The following SEMA5A variants were observed in gnomAD, a reference collection of about 807,000 sequenced individuals.
SEMA5A encodes the protein semaphorin-5A.
SEMA5A carries 55 observed loss-of-function variants against 135.5 expected under a neutral mutation model. That is an observed-to-expected ratio of 0.41 (90% CI 0.33 to 0.51). SEMA5A has a LOEUF of 0.51. Among genes scored for constraint, SEMA5A ranks in the 20% least tolerant of loss-of-function variants. The pLI is 0.37. For synonymous variants in SEMA5A, 580 were observed against 546.5 expected (o/e 1.06, Z -0.85); for missense variants, 1,290 against 1,419.9 (o/e 0.91, Z 1.47).
chr5:9,453,299 C>T (rs1332331463), intron 1 of SEMA5A, among the ~76,000 whole-genome samples: 2 of 152,202 alleles, frequency 1.3e-5, no homozygotes, highest in Non-Finnish European at 2.9e-5. Flanking sequence ...CTCCTGACAA[C>T]AGGCATTCCC....
intron 1 of SEMA5A, among the ~76,000 whole-genome samples, chr5:9,481,903 G>A (rs535361447): frequency 3.0e-4 from 46 of 152,250 alleles, no homozygotes; most frequent in Middle Eastern, 6.8e-3. Context: ...TCTGTCTGTC[G>A]CAGGCCTTGG....
At chr5:9,495,772 G>C (rs901702356) in intron 1 of SEMA5A, among the ~76,000 whole-genome samples, 3 of 152,172 alleles carry the variant, frequency 2.0e-5, no homozygotes, top group Non-Finnish European at 4.4e-5. Context: ...TAATAAATCA[G>C]ACTATTTGTA....
intron 1 of SEMA5A, among the ~76,000 whole-genome samples, chr5:9,439,213 C>T (rs530992768): frequency 3.3e-5 from 5 of 152,192 alleles, no homozygotes; most frequent in Non-Finnish European, 7.3e-5. Flanking sequence ...AAAGAGGAGC[C>T]AGGGAAGCAC....
At chr5:9,430,855 T>G (rs1295306496) in intron 2 of SEMA5A, among the ~76,000 whole-genome samples, 7 of 152,016 alleles carry the variant, frequency 4.6e-5, no homozygotes, top group Admixed American at 1.3e-4. Flanking sequence ...TTTGTTTTTT[T>G]TTTAGCAAAG....
intron 5 of SEMA5A, among the ~76,000 whole-genome samples, chr5:9,251,786 C>G (rs1233784318): frequency 6.6e-6 from 1 of 152,184 alleles, no homozygotes; most frequent in Non-Finnish European, 1.5e-5. Context: ...GGAGCACATC[C>G]ATGCTCAAGA....
At chr5:9,384,612 AT>A (rs1755772848) in intron 2 of SEMA5A, among the ~76,000 whole-genome samples, 2 of 111,254 alleles carry the variant, frequency 1.8e-5, no homozygotes, top group Admixed American at 9.6e-5. Context: ...AGATAGATAG[AT>A]AGATACATAG....
chr5:9,129,678 G>A (rs552144160), intron 13 of SEMA5A, among the ~76,000 whole-genome samples: 100 of 152,274 alleles, frequency 6.6e-4, no homozygotes, highest in South Asian at 4.1e-4. Flanking sequence ...TTTCTGCAAT[G>A]AAAGTTTCTA....
chr5:9,054,011 T>A lies in SEMA5A; in HGVS notation c.2689+76A>T, dbSNP rs1429889698. 76 of 1,487,948 alleles carry A rather than the reference T, an allele frequency of 5.1e-5. 1 individual carries two copies. The highest frequency in any genetic ancestry group is 5.3e-5 in the South Asian group (4 of 75,042). 92.2% of individuals were successfully genotyped at this position (1,487,948 alleles called of 1,614,324 possible). ...CAGTACTTACCATGATGCAGTATCA[T>A]CAATTACACCATTTATCCATTAAGG... On this transcript the variant is annotated intron_variant, in intron 19 of 22. Coordinates refer to ENST00000382496, the MANE Select transcript of SEMA5A (RefSeq NM_003966.3).
intron 8 of SEMA5A, among the ~76,000 whole-genome samples, chr5:9,206,544 T>C (rs1257876577): frequency 6.6e-6 from 1 of 152,124 alleles, no homozygotes; most frequent in Non-Finnish European, 1.5e-5. Flanking sequence ...CTATATTCTT[T>C]CTATTCCAAT....
intron 1 of SEMA5A, among the ~76,000 whole-genome samples, chr5:9,526,731 G>T (rs1191103059): frequency 6.6e-6 from 1 of 152,164 alleles, no homozygotes; most frequent in African/African-American, 2.4e-5. Flanking sequence ...GACAGGGCCT[G>T]CAGGCAATGC....
intron 11 of SEMA5A, among the ~76,000 whole-genome samples, chr5:9,159,644 T>C (rs1439901726): frequency 6.6e-6 from 1 of 152,218 alleles, no homozygotes; most frequent in African/African-American, 2.4e-5. Flanking sequence ...GACAGTATGA[T>C]GATTCTTCAA....
chr5:9,255,165 T>G (rs1749000457), intron 5 of SEMA5A, among the ~76,000 whole-genome samples: 1 of 152,218 alleles, frequency 6.6e-6, no homozygotes, highest in African/African-American at 2.4e-5. Context: ...CTTATCTTGA[T>G]TTTTGTATGT....
Position 9,252,430 on chromosome 5 carries a change from A to T in SEMA5A, c.271-14540T>A, listed in dbSNP as rs555843881. 9.2e-5 allele frequency among the ~76,000 whole-genome samples: 14 copies of T among 152,342 alleles called. No homozygotes were observed. In the South Asian group the frequency reaches 2.9e-3, roughly 32 times the overall value. ...TAATTATCCAAACCCACTTGAAATA[A>T]TAACAGAGGTCAAGACAAAGAACAT... On this transcript the variant is annotated intron_variant, in intron 5 of 22. Transcript: ENST00000382496.
At chr5:9,347,364 T>C (rs1346122236) in intron 3 of SEMA5A, among the ~76,000 whole-genome samples, 4 of 152,206 alleles carry the variant, frequency 2.6e-5, no homozygotes, top group Non-Finnish European at 5.9e-5. Flanking sequence ...ACTACAACTT[T>C]TGCAAAAGGT....
At chr5:9,501,892 C>T (rs1735616842) in intron 1 of SEMA5A, among the ~76,000 whole-genome samples, 1 of 152,096 alleles carries the variant, frequency 6.6e-6, no homozygotes, top group South Asian at 2.1e-4. Context: ...AATGGAAAAC[C>T]CAAAACTTTC....
chr5:9,312,510 AT>A (rs1374682892), intron 5 of SEMA5A, among the ~76,000 whole-genome samples: 1 of 152,172 alleles, frequency 6.6e-6, no homozygotes, highest in Non-Finnish European at 1.5e-5. Flanking sequence ...TCTTCTCTTA[AT>A]ATGTTAAGGC....
intron 16 of SEMA5A, among the ~76,000 whole-genome samples, chr5:9,098,619 A>G (rs767654682): frequency 1.1e-4 from 17 of 152,238 alleles, no homozygotes; most frequent in Non-Finnish European, 2.1e-4. Context: ...TGACATTTAA[A>G]AAACCAGAGA....
chr5:9,175,476 G>A (rs1054528703), intron 11 of SEMA5A, among the ~76,000 whole-genome samples: 5 of 152,242 alleles, frequency 3.3e-5, no homozygotes, highest in South Asian at 4.1e-4. Context: ...GCCCTTACAC[G>A]TTTAACACTG....
At chr5:9,404,830 TC>T (rs1295073172) in intron 2 of SEMA5A, among the ~76,000 whole-genome samples, 1 of 152,194 alleles carries the variant, frequency 6.6e-6, no homozygotes, top group African/African-American at 2.4e-5. Flanking sequence ...TCAGGTGACC[TC>T]CAAAGGTTAA....
Sources: gnomAD v4.1 joint callset for allele counts (sites outside exome capture counted in the v4.1 genomes callset) on GRCh38, gnomAD v4.1.1 for gene constraint, MANE v1.5 for transcripts, NCBI Gene and HGNC (gene_info 2026-07-23, HGNC 2026-07-21) for gene names.